Variants in ZNF592 observed in about 807,000 individuals in gnomAD.
The protein encoded by ZNF592 is spinocerebellar ataxia, autosomal recessive 5.
In ZNF592, 11 loss-of-function variants were observed where a neutral mutation model predicts 80.3. The observed-to-expected ratio is 0.14, with a 90% CI of 0.09 to 0.23. The LOEUF (loss-of-function observed/expected upper bound fraction) is 0.23, where lower values mean the gene tolerates loss of function less well. ZNF592 is among the 10% of genes least tolerant of loss of function. The probability of loss-of-function intolerance (pLI) is 1.00; values close to 1 mark genes in which losing one functional copy is unlikely to be tolerated. For missense variants in ZNF592, 1,420 were observed against 1,633.9 expected, an observed-to-expected ratio of 0.87 and a Z score of 2.26; for synonymous variants, 646 against 640.3, an observed-to-expected ratio of 1.01 and a Z score of -0.13.
chr15:84,756,528 C>T (rs758993890), intron 1 of ZNF592, among the ~76,000 whole-genome samples: 26 of 152,276 alleles, frequency 1.7e-4, no homozygotes, highest in Non-Finnish European at 3.5e-4. Context: ...TTGGCATTTT[C>T]AGAGAAGGGG....
rs944757469 is a variant in ZNF592, at chr15:84,764,569, A to G, written c.-258-138A>G. On this transcript the variant is annotated intron_variant, in intron 1 of 10. Transcript: ENST00000560079. ...TTGACTACATTTGTGGCCTGCTTGAATTTACATTTGGGGATTTTTCTCAGG... is the reference window on the plus strand; with the variant it reads ...TTGACTACATTTGTGGCCTGCTTGAGTTTACATTTGGGGATTTTTCTCAGG... 12 of 384,276 alleles carry G rather than the reference A, an allele frequency of 3.1e-5. No homozygotes were observed. The Admixed American group carries it at 4.9e-4, about 16-fold the overall frequency. 23.8% of individuals were successfully genotyped at this position (384,276 alleles called of 1,614,324 possible).
rs1016549374 is a variant in ZNF592, at chr15:84,749,294, A to G, written c.-259+630A>G. Among the ~76,000 whole-genome samples, 115 of 152,158 alleles carry G rather than the reference A, an allele frequency of 7.6e-4. 6 individuals are homozygous for G. Among genetic ancestry groups the G allele is most frequent in the Non-Finnish European group, 3.1e-4 (21 of 68,024 alleles). ...CTCTCTGCAAGGGCTCTTCCTGCCAACGAGGGGGTTGGCGGGAGGCTCAGT... is the reference window on the plus strand; with the variant it reads ...CTCTCTGCAAGGGCTCTTCCTGCCAGCGAGGGGGTTGGCGGGAGGCTCAGT... On this transcript the variant is annotated intron_variant, in intron 1 of 10. Transcript: ENST00000560079.
At chr15:84,758,772 A>G (rs1899258697) in intron 1 of ZNF592, among the ~76,000 whole-genome samples, 1 of 151,746 alleles carries the variant, frequency 6.6e-6, no homozygotes, top group African/African-American at 2.4e-5. Context: ...AAAAAAAAAA[A>G]AAAGCTGGGC....
chr15:84,778,662 C>A (rs765882231), intron 3 of ZNF592, among the ~76,000 whole-genome samples: 11 of 152,180 alleles, frequency 7.2e-5, no homozygotes, highest in Non-Finnish European at 1.6e-4. Context: ...TTCCCAATGA[C>A]CCCTTTTCCT....
intron 2 of ZNF592, among the ~76,000 whole-genome samples, chr15:84,767,511 C>T (rs940243900): frequency 6.6e-6 from 1 of 152,112 alleles, no homozygotes; most frequent in African/African-American, 2.4e-5. Flanking sequence ...CCCTTTTTCT[C>T]AAATCTCTGG....
At chr15:84,790,936 C>G (rs1021735393) in intron 5 of ZNF592, 53 bp downstream of exon 5, 1 of 1,609,854 alleles carries the variant, frequency 6.2e-7, no homozygotes, top group Non-Finnish European at 8.5e-7. Context: ...TGGTCCTTTT[C>G]CTAAGCCAGA....
At position 84,798,435 on chromosome 15, in the gene ZNF592, C is replaced by T; in HGVS notation, c.2697C>T (p.Leu899=). ...TCTTCAAGTGCCCTGAGTGCCCACT[C>T]TTGTTCGTGCAGAAGCCGGAGTTGA... ...VGVFKCPECP[L]LFVQKPELMQ... is the part of the protein sequence containing the mutation. The change falls in exon 7 of 11, where the codon CTC becomes CTT. Residue 899 remains leucine, a synonymous_variant. Transcript: ENST00000560079. The surrounding 1 kb of genome is among the most constrained non-coding windows in gnomAD (Gnocchi z 4.5). 6.2e-7 allele frequency: 1 copy of T among 1,614,122 alleles called. No homozygotes were observed. Among genetic ancestry groups the T allele is most frequent in the Admixed American group, 1.7e-5 (1 of 60,024 alleles).
At chr15:84,789,060 A>C (rs966798776) in intron 4 of ZNF592, among the ~76,000 whole-genome samples, 4 of 150,772 alleles carry the variant, frequency 2.7e-5, no homozygotes, top group African/African-American at 5.0e-5. Context: ...AAAAAAAAAA[A>C]AACAAAAAAA....
chr15:84,796,291 AT>A (rs1220104719), intron 5 of ZNF592, among the ~76,000 whole-genome samples: 3 of 51,198 alleles, frequency 5.9e-5, no homozygotes, highest in African/African-American at 1.1e-4. Flanking sequence ...ATATATATAT[AT>A]ATAAAAAAAC....
At chr15:84,782,633 T>C (rs1962450542) in intron 3 of ZNF592, 24 bp from the exon 4 acceptor site, 1 of 1,611,430 alleles carries the variant, frequency 6.2e-7, no homozygotes, top group East Asian at 2.2e-5. Flanking sequence ...TGGTCACTGA[T>C]TCTGTTTTCT....
chr15:84,765,930 G>A (rs1375383691), intron 2 of ZNF592, among the ~76,000 whole-genome samples: 1 of 151,614 alleles, frequency 6.6e-6, no homozygotes, highest in Non-Finnish European at 1.5e-5. Context: ...GTGTTGAAAT[G>A]TACACATATA....
chr15:84,758,477 G>A (rs912491559), intron 1 of ZNF592, among the ~76,000 whole-genome samples: 6 of 151,954 alleles, frequency 3.9e-5, no homozygotes, highest in Non-Finnish European at 8.8e-5. Context: ...TAGAGATGGG[G>A]TTTTGCCATG....
Position 84,757,969 on chromosome 15 carries a change from CT to C in ZNF592, c.-258-6727del, listed in dbSNP as rs1220246285. ...GAGCCACTGTGCCCAGCCGTTAATC[CT>C]TTTTTTTTTTCTTTTTTTTTGAAAT... On this transcript the variant is annotated intron_variant, in intron 1 of 10. Coordinates refer to ENST00000560079, the MANE Select transcript of ZNF592 (RefSeq NM_014630.3). Among the ~76,000 whole-genome samples the C allele has an allele frequency of 4.7e-3, 661 of 140,256 alleles. 2 individuals are homozygous for C. The highest frequency in any genetic ancestry group is 0.015 in the African/African-American group (567 of 38,150). The allele number at this position is 140,256 out of a possible 152,430, so 92.0% of individuals were successfully genotyped here. A position where few individuals can be genotyped will look rare whatever the true frequency, so the allele number is the denominator to read the frequency against.
intron 5 of ZNF592, among the ~76,000 whole-genome samples, chr15:84,792,012 G>C (rs1451902590): frequency 6.6e-6 from 1 of 152,094 alleles, no homozygotes; most frequent in African/African-American, 2.4e-5. Context: ...TTTGCAGCAG[G>C]GGAGTGATTT....
chr15:84,750,885 G>A (rs570562106), intron 1 of ZNF592, among the ~76,000 whole-genome samples: 1 of 152,284 alleles, frequency 6.6e-6, no homozygotes, highest in South Asian at 2.1e-4. Context: ...GGGGCCTTGG[G>A]GGCAGAATGC....
At position 84,802,689 on chromosome 15, in the gene ZNF592, C is replaced by T. The variant is rs1343357051; in HGVS notation, c.*296C>T. 1.1e-5 allele frequency: 5 copies of T among 470,458 alleles called. No individual in the cohort carries two copies. In the Admixed American group the frequency reaches 1.7e-4, roughly 16 times the overall value. The allele number at this position is 470,458 out of a possible 1,614,324, so 29.1% of individuals were successfully genotyped here. On this transcript the variant is annotated 3_prime_UTR_variant, in exon 11 of 11. Transcript: ENST00000560079. ...ACCCCAAGCTGCTTATGTGGCCCAA[C>T]CCCACTGCTGTCAACTAGGCTTGAA...
At position 84,783,700 on chromosome 15, in the gene ZNF592, G is replaced by C; in HGVS notation, c.1025G>C (p.Ser342Thr). The stretch of plus-strand genomic sequence containing the variant: ...AGCCCTCTGGAGGCCACTAGAAAAA[G>C]TATCAAGCCATCGGACAGCCCTCGT... ...PRSPLEATRKSIKPSDSPRSI... is the reference protein window; with the variant it reads ...PRSPLEATRKTIKPSDSPRSI... Residue 342 changes from serine to threonine, a missense_variant, in exon 4 of 11, where the codon AGT (serine) becomes ACT (threonine). Physicochemically the swap from Ser to Thr is moderately conservative, Grantham distance 58. This residue lies in a region of ZNF592 where 524 missense variants were observed against 628.3 expected (regional missense o/e 0.83). Coordinates refer to ENST00000560079, the MANE Select transcript of ZNF592 (RefSeq NM_014630.3). This position sits in a 1 kb window ranked among gnomAD's most constrained non-coding sequence, Gnocchi z 5.0. The C allele has an allele frequency of 6.2e-7, 1 of 1,614,232 alleles. No individual in the cohort carries two copies.
chr15:84,769,890 C>T (rs1899648948), intron 2 of ZNF592, among the ~76,000 whole-genome samples: 1 of 152,208 alleles, frequency 6.6e-6, no homozygotes, highest in Non-Finnish European at 1.5e-5. Flanking sequence ...ATCCTCCTAC[C>T]TCAGCCTCCT....
At chr15:84,791,328 TG>T (rs1962743367) in intron 5 of ZNF592, among the ~76,000 whole-genome samples, 1 of 152,220 alleles carries the variant, frequency 6.6e-6, no homozygotes, top group African/African-American at 2.4e-5. Flanking sequence ...TCTTTCTTTT[TG>T]TTAATTTTTG....
Sources: allele counts gnomAD v4.1 joint callset (sites outside exome capture counted in the v4.1 genomes callset), GRCh38; gene constraint gnomAD v4.1.1; regional missense constraint gnomAD v4.1.1; non-coding constraint Gnocchi (gnomAD v3.1); transcripts MANE v1.5; gene names NCBI Gene and HGNC (gene_info 2026-07-23, HGNC 2026-07-21).